NPHP1: variants seen among roughly 807,000 people sequenced by gnomAD.
NPHP1 encodes nephrocystin 1, also known as nephrocystin-1.
NPHP1 carries 70 observed loss-of-function variants against 90.4 expected under a neutral mutation model. That is an observed-to-expected ratio of 0.77 (90% CI 0.64 to 0.95). NPHP1 has a LOEUF of 0.95. NPHP1 is among the 40% of genes least tolerant of loss of function. The pLI is 0.00. For missense variants in NPHP1, 764 were observed against 795.9 expected (o/e 0.96, Z 0.48); for synonymous variants, 256 against 271.7 (o/e 0.94, Z 0.57).
chr2:110,135,237 A>C (rs977401300), intron 16 of NPHP1, among the ~76,000 whole-genome samples: 4 of 152,014 alleles, frequency 2.6e-5, no homozygotes, highest in Non-Finnish European at 4.4e-5. Flanking sequence ...CAATATTTAG[A>C]TTTCAAAATA....
At chr2:110,154,740 G>T (rs190417163) in intron 11 of NPHP1, among the ~76,000 whole-genome samples, 1 of 152,072 alleles carries the variant, frequency 6.6e-6, no homozygotes, top group Non-Finnish European at 1.5e-5. Flanking sequence ...GTATCTGTTG[G>T]AAGAAATTTC....
intron 1 of NPHP1, among the ~76,000 whole-genome samples, chr2:110,204,317 G>C (rs555955303): frequency 6.6e-6 from 1 of 152,290 alleles, no homozygotes; most frequent in South Asian, 2.1e-4. Context: ...AATTACTTGA[G>C]TATCTTTGAA....
At chr2:110,180,832 G>C (rs1226581651) in intron 2 of NPHP1, among the ~76,000 whole-genome samples, 1 of 152,138 alleles carries the variant, frequency 6.6e-6, no homozygotes, top group African/African-American at 2.4e-5. Context: ...CAGATCAGGA[G>C]ATCTCCTGAG....
chr2:110,171,853 T>C lies in NPHP1; in HGVS notation c.330-1855A>G, dbSNP rs187498265. ...TATACTGAGTTTGTGCATGTGTTCA[T>C]GAGGGCCTTGCAATTTTCTTCTAGT... On this transcript the variant is annotated intron_variant, in intron 4 of 19. Transcript: ENST00000445609. 6.2e-4 allele frequency among the ~76,000 whole-genome samples: 94 copies of C among 152,316 alleles called. 1 individual carries two copies. Among genetic ancestry groups the C allele is most frequent in the Non-Finnish European group, 1.0e-3 (71 of 68,020 alleles).
chr2:110,134,530 G>GAA (rs554024174), intron 16 of NPHP1, among the ~76,000 whole-genome samples: 156 of 101,422 alleles, frequency 1.5e-3, no homozygotes, highest in African/African-American at 4.6e-3. Context: ...AATACTACAA[G>GAA]AAAAAAAAAA....
chr2:110,142,553 T>C (rs898737535), intron 16 of NPHP1, among the ~76,000 whole-genome samples: 4 of 151,926 alleles, frequency 2.6e-5, no homozygotes, highest in Admixed American at 2.6e-4. Flanking sequence ...GGTCTTGCCA[T>C]GTTGCCCAGG....
At chr2:110,125,153 C>A in intron 19 of NPHP1, 1 of 1,512,762 alleles carries the variant, frequency 6.6e-7, no homozygotes, top group Non-Finnish European at 8.8e-7. Flanking sequence ...TCCCATTTGC[C>A]AAATCCTGGA....
rs935465878 is a variant in NPHP1, at chr2:110,123,877, G to A, written c.1948C>T (p.Leu650=). ...GGTTCATGAACTCCGTCTGGTGACA[G>A]CAGAGCTTGGAGGGCGCCCTGGTTT... ...QENQGALQAL[L]SPDGVHEPFD... The change falls in exon 20 of 20, where the codon CTG becomes TTG. Residue 650 remains leucine (L), a synonymous_variant. Coordinates refer to ENST00000445609, the MANE Select transcript of NPHP1 (RefSeq NM_001128178.3). 6.2e-7 allele frequency: 1 copy of A among 1,614,090 alleles called. No individual in the cohort carries two copies. Among genetic ancestry groups the A allele is most frequent in the Non-Finnish European group, 8.5e-7 (1 of 1,179,954 alleles).
intron 2 of NPHP1, among the ~76,000 whole-genome samples, chr2:110,190,487 G>A (rs1194771311): frequency 6.6e-6 from 1 of 152,192 alleles, no homozygotes; most frequent in African/African-American, 2.4e-5. Flanking sequence ...GCCGCTCCAA[G>A]TGCAGAGTCC....
At chr2:110,152,571 C>T (rs1177014122) in intron 11 of NPHP1, among the ~76,000 whole-genome samples, 1 of 138,884 alleles carries the variant, frequency 7.2e-6, no homozygotes, top group Non-Finnish European at 1.5e-5. Context: ...ATAGATATTG[C>T]TTTATTGTTG....
intron 4 of NPHP1, among the ~76,000 whole-genome samples, chr2:110,177,462 G>A (rs1004275775): frequency 1.3e-5 from 2 of 151,982 alleles, no homozygotes; most frequent in African/African-American, 2.4e-5. Flanking sequence ...TCCAAAATCC[G>A]AAATACTCCT....
intron 5 of NPHP1, among the ~76,000 whole-genome samples, chr2:110,169,400 T>C (rs957984466): frequency 2.6e-5 from 4 of 152,130 alleles, no homozygotes; most frequent in Non-Finnish European, 4.4e-5. Flanking sequence ...CACTTATTTA[T>C]GCCCAGGCCA....
intron 19 of NPHP1, 182 bp downstream of exon 19, chr2:110,125,455 T>A: frequency 8.9e-7 from 1 of 1,126,848 alleles, no homozygotes; most frequent in Non-Finnish European, 1.3e-6. Flanking sequence ...CCTTCTCACA[T>A]TAGCTAACGA....
intron 2 of NPHP1, among the ~76,000 whole-genome samples, chr2:110,189,908 C>A (rs536925496): frequency 6.6e-6 from 1 of 152,038 alleles, no homozygotes; most frequent in Non-Finnish European, 1.5e-5. Flanking sequence ...GTTTACAAAC[C>A]TTGAGCTAGA....
At chr2:110,141,944 G>T (rs549501975) in intron 16 of NPHP1, among the ~76,000 whole-genome samples, 1 of 145,872 alleles carries the variant, frequency 6.9e-6, no homozygotes, top group Admixed American at 7.1e-5. Context: ...CTGCACTCCA[G>T]CCTGGGGGAC....
At chr2:110,194,909 CAT>C (rs200607861) in intron 2 of NPHP1, among the ~76,000 whole-genome samples, 44,864 of 151,764 alleles carry the variant, frequency 0.3, 7,205 homozygotes, top group East Asian at 0.54. Flanking sequence ...ACAAAAACCA[CAT>C]GATTATCTCA....
chr2:110,187,770 A>C (rs1259818443), intron 2 of NPHP1, among the ~76,000 whole-genome samples: 2 of 152,132 alleles, frequency 1.3e-5, no homozygotes, highest in Non-Finnish European at 2.9e-5. Context: ...ATCCGCAACA[A>C]AATACTGGCA....
intron 9 of NPHP1, among the ~76,000 whole-genome samples, chr2:110,162,753 C>G (rs1340834034): frequency 6.6e-6 from 1 of 151,940 alleles, no homozygotes; most frequent in African/African-American, 2.4e-5. Flanking sequence ...GGGAATGAAC[C>G]AGTGTGGGGA....
At chr2:110,139,600 G>A (rs1680481170) in intron 16 of NPHP1, among the ~76,000 whole-genome samples, 1 of 152,142 alleles carries the variant, frequency 6.6e-6, no homozygotes, top group Admixed American at 6.5e-5. Context: ...GAGTCAGAGA[G>A]GGCAGTGTAA....
Sources: gnomAD v4.1 joint callset for allele counts (sites outside exome capture counted in the v4.1 genomes callset) on GRCh38, gnomAD v4.1.1 for gene constraint, MANE v1.5 for transcripts, NCBI Gene and HGNC (gene_info 2026-07-23, HGNC 2026-07-21) for gene names.